Variants in CFAP36 observed in about 807,000 individuals in gnomAD.
CFAP36 encodes the protein cilia- and flagella-associated protein 36.
CFAP36 carries 37 observed loss-of-function variants against 50.5 expected under a neutral mutation model. The observed-to-expected ratio is 0.73, with a 90% CI of 0.56 to 0.96. The LOEUF (loss-of-function observed/expected upper bound fraction) is 0.96. CFAP36 is among the 50% of genes least tolerant of loss of function. CFAP36 has a pLI of 0.00. For missense variants in CFAP36, 407 were observed against 396.2 expected (o/e 1.03, Z -0.23); for synonymous variants, 138 against 128.2 (o/e 1.08, Z -0.52).
At chr2:55,521,053 G>A (rs1283842642) in intron 1 of CFAP36, among the ~76,000 whole-genome samples, 2 of 152,070 alleles carry the variant, frequency 1.3e-5, no homozygotes, top group Non-Finnish European at 2.9e-5. Flanking sequence ...TCATGAATCT[G>A]GTAAAGATGA....
chr2:55,537,517 A>T lies in CFAP36; in HGVS notation c.572A>T (p.His191Leu), dbSNP rs1354922498. ...GCTAAAACAGAAGAGCCCACAGTGC[A>T]TTCCAGTGAAGCTGCAATAATGAAT... The part of the protein sequence containing the change: ...SEAKTEEPTV[H>L]SSEAAIMNNS... The change falls in exon 7 of 10, where the codon CAT (histidine) becomes CTT (leucine). Residue 191 changes from histidine (H) to leucine (L), a missense_variant. Coordinates refer to ENST00000349456, the MANE Select transcript of CFAP36 (RefSeq NM_080667.7). 17 of 1,613,596 alleles carry T rather than the reference A, an allele frequency of 1.1e-5. No homozygotes were observed. The highest frequency in any genetic ancestry group is 1.4e-5 in the Non-Finnish European group (16 of 1,179,862).
Position 55,520,371 on chromosome 2 carries a change from G to C in CFAP36, c.115+455G>C, listed in dbSNP as rs758736546. The stretch of plus-strand genomic sequence containing the variant: ...CATTTCGCCCGGTGTAGTCAGCTTA[G>C]GAAATGAGAAATGATTTCACTCCAA... On this transcript the variant is annotated intron_variant, in intron 1 of 9. Coordinates refer to ENST00000349456, the MANE Select transcript of CFAP36 (RefSeq NM_080667.7). 4.4e-5 allele frequency: 67 copies of C among 1,513,820 alleles called. 1 individual carries two copies. In the South Asian group the frequency reaches 6.8e-4, roughly 15 times the overall value. The allele number at this position is 1,513,820 out of a possible 1,614,324, so 93.8% of individuals were successfully genotyped here.
intron 3 of CFAP36, among the ~76,000 whole-genome samples, chr2:55,528,204 A>G (rs1056311971): frequency 1.3e-5 from 2 of 150,858 alleles, no homozygotes; most frequent in Admixed American, 1.3e-4. Context: ...TATATAAAAT[A>G]TGTAATCATA....
At chr2:55,530,900 A>C (rs1270966458) in intron 4 of CFAP36, 1 of 152,194 alleles carries the variant, frequency 6.6e-6, no homozygotes, top group Non-Finnish European at 1.5e-5. Context: ...TTGGCTCTTA[A>C]GGGCCTGGAA....
At chr2:55,537,175 G>A (rs975525826) in intron 6 of CFAP36, among the ~76,000 whole-genome samples, 22 of 152,180 alleles carry the variant, frequency 1.4e-4, no homozygotes, top group Non-Finnish European at 2.6e-4. Context: ...CCAGGAATTC[G>A]AGACCAGCAA....
intron 7 of CFAP36, among the ~76,000 whole-genome samples, chr2:55,542,276 A>G (rs1684657086): frequency 1.3e-5 from 2 of 152,264 alleles, no homozygotes; most frequent in Admixed American, 1.3e-4. Context: ...CATTAATGGT[A>G]CACCATAAAT....
At chr2:55,539,903 A>G (rs115297591) in intron 7 of CFAP36, among the ~76,000 whole-genome samples, 31 of 152,240 alleles carry the variant, frequency 2.0e-4, no homozygotes, top group African/African-American at 7.2e-4. Flanking sequence ...TCATCTATGT[A>G]TCTTCTTTGG....
chr2:55,543,826 C>A, intron 7 of CFAP36, 112 bp from the exon 8 acceptor site: 1 of 1,039,714 alleles, frequency 9.6e-7, no homozygotes, highest in Non-Finnish European at 1.4e-6. Flanking sequence ...GACTGAATGA[C>A]TATGAGGAAA....
chr2:55,533,658 G>T (rs1222961394), intron 4 of CFAP36, among the ~76,000 whole-genome samples: 1 of 149,058 alleles, frequency 6.7e-6, no homozygotes, highest in Non-Finnish European at 1.5e-5. Flanking sequence ...TCGTGCCACT[G>T]CACTCCAGCC....
At chr2:55,534,700 G>A (rs1684437254) in intron 5 of CFAP36, among the ~76,000 whole-genome samples, 1 of 152,232 alleles carries the variant, frequency 6.6e-6, no homozygotes, top group Non-Finnish European at 1.5e-5. Context: ...GTCACTTGCA[G>A]ACTGTGGCCT....
chr2:55,534,956 C>G (rs972242104), intron 5 of CFAP36, among the ~76,000 whole-genome samples: 1 of 152,106 alleles, frequency 6.6e-6, no homozygotes, highest in Non-Finnish European at 1.5e-5. Flanking sequence ...CACATCCCTC[C>G]TTGGATGGCA....
chr2:55,519,826 G>C lies in CFAP36; in HGVS notation c.25G>C (p.Val9Leu), dbSNP rs775474019. 6.2e-7 allele frequency: 1 copy of C among 1,614,150 alleles called. No homozygotes were observed. The highest frequency in any genetic ancestry group is 8.5e-7 in the Non-Finnish European group (1 of 1,180,064). Reference sequence around the variant, plus strand: ...GATGGCTGCGGAAGAAGAAGACGAGGTGGAGTGGGTAGTGGAGAGCATCGC... The same window carrying C: ...GATGGCTGCGGAAGAAGAAGACGAGCTGGAGTGGGTAGTGGAGAGCATCGC... The part of the protein sequence containing the change: MAAEEEDE[V>L]EWVVESIAGF... The change falls in exon 1 of 10, where the codon GTG becomes CTG. Residue 9 changes from valine (V) to leucine (L), a missense_variant. Val to Leu is a conservative substitution (Grantham distance 32). Transcript: ENST00000349456.
chr2:55,540,794 C>T (rs1016766679), intron 7 of CFAP36, among the ~76,000 whole-genome samples: 3 of 151,836 alleles, frequency 2.0e-5, no homozygotes, highest in Non-Finnish European at 2.9e-5. Context: ...GAAAACTGTT[C>T]GAGCTCAGGA....
intron 7 of CFAP36, among the ~76,000 whole-genome samples, chr2:55,538,066 G>C (rs921530965): frequency 6.6e-6 from 1 of 152,078 alleles, no homozygotes; most frequent in Non-Finnish European, 1.5e-5. Flanking sequence ...AAATTTATAG[G>C]AATCCTTGTA....
Position 55,529,004 on chromosome 2 carries a change from A to C in CFAP36, c.397+12A>C. ...TCAAGAGAGAAATGGTAAAATGTTG[A>C]AGTTAGAAATCTAAGTACTAAATGC... On this transcript the variant is annotated intron_variant, in intron 4 of 9. Coordinates refer to ENST00000349456, the MANE Select transcript of CFAP36 (RefSeq NM_080667.7). 6.3e-7 allele frequency: 1 copy of C among 1,580,890 alleles called. No individual in the cohort carries two copies. Among genetic ancestry groups the C allele is most frequent in the Non-Finnish European group, 8.6e-7 (1 of 1,157,516 alleles).
chr2:55,531,140 G>A (rs1320122634), intron 4 of CFAP36: 1 of 152,190 alleles, frequency 6.6e-6, no homozygotes, highest in African/African-American at 2.4e-5. Context: ...ATGACATAGT[G>A]CTATTACTTT....
chr2:55,529,992 A>T (rs537775299), intron 4 of CFAP36, among the ~76,000 whole-genome samples: 52 of 152,228 alleles, frequency 3.4e-4, no homozygotes, highest in South Asian at 1.2e-3. Context: ...GCTGCCTCCC[A>T]GTTTCTGATT....
At chr2:55,524,161 C>G (rs1036560932) in intron 3 of CFAP36, among the ~76,000 whole-genome samples, 11 of 152,224 alleles carry the variant, frequency 7.2e-5, no homozygotes, top group Non-Finnish European at 2.9e-5. Flanking sequence ...TCAGTAGTTC[C>G]TGCTGCTGCT....
intron 2 of CFAP36, among the ~76,000 whole-genome samples, chr2:55,523,378 G>T (rs1164975064): frequency 6.6e-6 from 1 of 152,128 alleles, no homozygotes; most frequent in East Asian, 1.9e-4. Flanking sequence ...TCGTACCACT[G>T]CACTCCAGCC....
Sources: gnomAD v4.1 joint callset for allele counts (sites outside exome capture counted in the v4.1 genomes callset) on GRCh38, gnomAD v4.1.1 for gene constraint, MANE v1.5 for transcripts, NCBI Gene and HGNC (gene_info 2026-07-23, HGNC 2026-07-21) for gene names.